The following ITIH5 variants were observed in gnomAD, a reference collection of about 807,000 sequenced individuals.
The protein encoded by ITIH5 is inter-alpha-trypsin inhibitor heavy chain H5.
Under a neutral mutation model 77.5 loss-of-function variants are expected in ITIH5, and 65 were observed. The ratio of observed to expected loss-of-function variants is 0.84; its 90% CI spans 0.69 to 1.03. The LOEUF (loss-of-function observed/expected upper bound fraction) is 1.03, where lower values mean the gene tolerates loss of function less well. ITIH5 is among the 50% of genes least tolerant of loss of function. ITIH5 has a pLI of 0.00. For missense variants in ITIH5, 1,208 were observed against 1,213.1 expected (o/e 1.00, Z 0.06); for synonymous variants, 525 against 494.3 (o/e 1.06, Z -0.82).
Position 7,591,053 on chromosome 10 carries a change from C to T in ITIH5, c.940-4984G>A, listed in dbSNP as rs756372731. The stretch of plus-strand genomic sequence containing the variant: ...CTGGGCTTACAGGCACACGCCATCA[C>T]GCTCAGCTAATTTTTTCTATTTTAG... On this transcript the variant is annotated intron_variant, in intron 7 of 13. Coordinates refer to ENST00000397146, the MANE Select transcript of ITIH5 (RefSeq NM_030569.7). Among the ~76,000 whole-genome samples the T allele has an allele frequency of 4.6e-5, 7 of 152,168 alleles. No homozygotes were observed. In the South Asian group the frequency reaches 6.2e-4, roughly 13 times the overall value.
At chr10:7,602,183 CCT>C (rs1232319455) in intron 7 of ITIH5, among the ~76,000 whole-genome samples, 1 of 152,034 alleles carries the variant, frequency 6.6e-6, no homozygotes, top group Non-Finnish European at 1.5e-5. Flanking sequence ...TTTCATCCTC[CCT>C]CTCTCTCTCC....
At chr10:7,652,505 T>C (rs541783342) in intron 2 of ITIH5, among the ~76,000 whole-genome samples, 1 of 152,208 alleles carries the variant, frequency 6.6e-6, no homozygotes, top group South Asian at 2.1e-4. Flanking sequence ...ATCATTCTAG[T>C]ACCAACTGGA....
chr10:7,594,819 C>T (rs565573323), intron 7 of ITIH5, among the ~76,000 whole-genome samples: 10 of 152,140 alleles, frequency 6.6e-5, no homozygotes, highest in Admixed American at 3.3e-4. Context: ...GGGAGAGTGG[C>T]GGATCAGGAA....
intron 5 of ITIH5, chr10:7,619,606 G>T: frequency 2.5e-6 from 1 of 392,410 alleles, no homozygotes; most frequent in Non-Finnish European, 5.3e-6. Context: ...GGGAAGCCTC[G>T]GGAAACTTAC....
At chr10:7,567,522 T>C (rs563100501) in intron 12 of ITIH5, among the ~76,000 whole-genome samples, 1 of 147,598 alleles carries the variant, frequency 6.8e-6, no homozygotes, top group Admixed American at 7.1e-5. Context: ...TGGTATGTGA[T>C]GTTCCCCACC....
intron 5 of ITIH5, among the ~76,000 whole-genome samples, chr10:7,628,233 T>C (rs61834791): frequency 0.19 from 28,845 of 152,160 alleles, 3,186 homozygotes; most frequent in Non-Finnish European, 0.25. Context: ...CAAAACATCT[T>C]CATCACCCCA....
intron 2 of ITIH5, among the ~76,000 whole-genome samples, chr10:7,644,955 A>ATATATATATATATATATAT: frequency 1.5e-5 from 1 of 66,084 alleles, no homozygotes; most frequent in African/African-American, 1.1e-4. Flanking sequence ...TATATATCAC[A>ATATATATATATATATATAT]CATATATATA....
At position 7,644,340 on chromosome 10, in the gene ITIH5, C is replaced by T. The variant is rs181671016; in HGVS notation, c.136-2250G>A. On this transcript the variant is annotated intron_variant, in intron 2 of 13. Transcript: ENST00000397146. ...TATCATACATATCACATATATATCA[C>T]ATATATCACATATATATCATATATA... Among the ~76,000 whole-genome samples the T allele has an allele frequency of 3.1e-3, 441 of 144,192 alleles. 15 individuals are homozygous for T. Among genetic ancestry groups the T allele is most frequent in the African/African-American group, 0.01 (397 of 38,054 alleles). The allele number at this position is 144,192 out of a possible 152,430, so 94.6% of individuals were successfully genotyped here. A position where few individuals can be genotyped will look rare whatever the true frequency, so the allele number is the denominator to read the frequency against.
chr10:7,583,880 A>T (rs1018823169), intron 8 of ITIH5, among the ~76,000 whole-genome samples: 1 of 152,154 alleles, frequency 6.6e-6, no homozygotes, highest in African/African-American at 2.4e-5. Context: ...CCCACTGAAA[A>T]CAGACAGGAG....
At chr10:7,666,524 C>T (rs1367010340) in intron 1 of ITIH5, among the ~76,000 whole-genome samples, 2 of 152,178 alleles carry the variant, frequency 1.3e-5, no homozygotes, top group Non-Finnish European at 2.9e-5. Flanking sequence ...AAATTAACAA[C>T]GACGAACAGA....
At chr10:7,666,445 A>G (rs1834362627) in intron 1 of ITIH5, among the ~76,000 whole-genome samples, 1 of 152,106 alleles carries the variant, frequency 6.6e-6, no homozygotes, top group East Asian at 1.9e-4. Flanking sequence ...TGATGATAAC[A>G]GCAGACTGCC....
chr10:7,588,320 A>G (rs1317127259), intron 7 of ITIH5, among the ~76,000 whole-genome samples: 3 of 152,166 alleles, frequency 2.0e-5, no homozygotes, highest in African/African-American at 7.2e-5. Flanking sequence ...GGAGTTTGAA[A>G]CCAGCCTGGC....
chr10:7,618,656 G>C (rs1833416636), intron 5 of ITIH5: 1 of 152,192 alleles, frequency 6.6e-6, no homozygotes, highest in African/African-American at 2.4e-5. Flanking sequence ...CTGCTGCAAA[G>C]CCTCTGATTA....
intron 2 of ITIH5, among the ~76,000 whole-genome samples, chr10:7,653,868 T>C (rs1834139155): frequency 1.3e-5 from 2 of 152,044 alleles, no homozygotes; most frequent in African/African-American, 2.4e-5. Context: ...ATAAGAGTAA[T>C]TGAGGGCCAG....
intron 8 of ITIH5, among the ~76,000 whole-genome samples, chr10:7,581,983 C>A (rs1046967967): frequency 6.7e-6 from 1 of 148,458 alleles, no homozygotes; most frequent in Non-Finnish European, 1.5e-5. Context: ...TCAAGCAATT[C>A]TCCTGCCTCA....
In ITIH5 at chr10:7,614,969, C is replaced by T. The variant is rs911806265; in HGVS notation, c.939+1013G>A. 2.0e-5 allele frequency among the ~76,000 whole-genome samples: 3 copies of T among 152,080 alleles called. No individual in the cohort carries two copies. In the East Asian group the frequency reaches 5.8e-4, roughly 29 times the overall value. ...AATTGTATAAAAAAATGAAAAAGGC[C>T]GGGCATGGTGGCTGATGTCTGTAAT... On this transcript the variant is annotated intron_variant, in intron 7 of 13. Transcript: ENST00000397146.
chr10:7,639,487 G>A (rs1297987007), intron 4 of ITIH5, among the ~76,000 whole-genome samples: 3 of 152,204 alleles, frequency 2.0e-5, no homozygotes, highest in Non-Finnish European at 4.4e-5. Flanking sequence ...CAAGAGTGAG[G>A]CATTCCCTTG....
At chr10:7,609,531 C>T (rs41290275) in intron 7 of ITIH5, 1 of 452,384 alleles carries the variant, frequency 2.2e-6, no homozygotes, top group Non-Finnish European at 4.4e-6. Context: ...GAACCAAAAT[C>T]GACATGCAGA....
At chr10:7,565,621 G>A (rs1311851544) in intron 13 of ITIH5, among the ~76,000 whole-genome samples, 3 of 147,430 alleles carry the variant, frequency 2.0e-5, no homozygotes, top group Non-Finnish European at 4.5e-5. Context: ...AATACATTAT[G>A]TATATGTATA....
Sources: allele counts gnomAD v4.1 joint callset (sites outside exome capture counted in the v4.1 genomes callset), GRCh38; gene constraint gnomAD v4.1.1; transcripts MANE v1.5; gene names NCBI Gene and HGNC (gene_info 2026-07-23, HGNC 2026-07-21).